The following GLIS3 variants were observed in gnomAD, a reference collection of about 807,000 sequenced individuals.
GLIS3 encodes the protein zinc finger protein GLIS3.
In GLIS3, 53 loss-of-function variants were observed where a neutral mutation model predicts 78.6. The observed-to-expected ratio is 0.67, with a 90% CI of 0.54 to 0.85. The LOEUF (loss-of-function observed/expected upper bound fraction) is 0.85, where lower values mean the gene tolerates loss of function less well. Among genes scored for constraint, GLIS3 ranks in the 40% least tolerant of loss-of-function variants. The pLI is 0.00. For missense variants in GLIS3, 1,703 were observed against 1,231.1 expected (o/e 1.38, Z -5.74); for synonymous variants, 684 against 509.9 (o/e 1.34, Z -4.60).
chr9:4,236,250 G>A (rs1822743363), intron 2 of GLIS3, among the ~76,000 whole-genome samples: 2 of 150,732 alleles, frequency 1.3e-5, no homozygotes, highest in South Asian at 4.2e-4. Flanking sequence ...CTAGAGAAGA[G>A]GGGAAACCTT....
chr9:4,206,533 T>A (rs962544477), intron 2 of GLIS3, among the ~76,000 whole-genome samples: 1 of 152,210 alleles, frequency 6.6e-6, no homozygotes, highest in Non-Finnish European at 1.5e-5. Flanking sequence ...CTATGTGCAG[T>A]GGACATTTAA....
chr9:3,956,042 A>G (rs1329944791), intron 4 of GLIS3, among the ~76,000 whole-genome samples: 1 of 151,626 alleles, frequency 6.6e-6, no homozygotes. Flanking sequence ...AAAAAAAAAA[A>G]AAAAAAGAAA....
chr9:4,268,978 G>A (rs959768964), intron 2 of GLIS3, among the ~76,000 whole-genome samples: 1 of 152,108 alleles, frequency 6.6e-6, no homozygotes. Context: ...GTTTAACAAA[G>A]CTCTGGTATT....
At chr9:4,251,594 T>G (rs1296405271) in intron 2 of GLIS3, among the ~76,000 whole-genome samples, 1 of 152,220 alleles carries the variant, frequency 6.6e-6, no homozygotes, top group African/African-American at 2.4e-5. Context: ...TTGGGGCATT[T>G]AGCCCACTTA....
intron 4 of GLIS3, among the ~76,000 whole-genome samples, chr9:4,307,574 T>G (rs1035548835): frequency 6.6e-6 from 1 of 152,122 alleles, no homozygotes; most frequent in African/African-American, 2.4e-5. Flanking sequence ...TCCTAACTCC[T>G]GGAACCTATG....
the GLIS3 span, among the ~76,000 whole-genome samples, chr9:4,406,243 G>GA: frequency 2.6e-5 from 4 of 151,688 alleles, no homozygotes; most frequent in African/African-American, 7.3e-5. Context: ...ATAAGAGAAA[G>GA]AAAAAAAAGG....
chr9:3,982,876 G>A (rs997100762), intron 4 of GLIS3, among the ~76,000 whole-genome samples: 1 of 152,136 alleles, frequency 6.6e-6, no homozygotes, highest in African/African-American at 2.4e-5. Flanking sequence ...GTCACCATAG[G>A]GTCACTGGCT....
At chr9:4,353,993 A>ATTTTTTTTTTT in the GLIS3 span, among the ~76,000 whole-genome samples, 16 of 135,748 alleles carry the variant, frequency 1.2e-4, no homozygotes, top group East Asian at 2.1e-4. Context: ...ACACCCGGCT[A>ATTTTTTTTTTT]TTTTTTTTTT....
chr9:4,103,815 A>G (rs10974337), intron 4 of GLIS3, among the ~76,000 whole-genome samples: 35,085 of 152,076 alleles, frequency 0.23, 4,225 homozygotes, highest in Admixed American at 0.29. Flanking sequence ...CTGGAAGCAT[A>G]AACACAAGTA....
At chr9:4,406,168 C>T in the GLIS3 span, among the ~76,000 whole-genome samples, 4 of 152,114 alleles carry the variant, frequency 2.6e-5, no homozygotes, top group South Asian at 6.2e-4. Flanking sequence ...TGGAAGACAA[C>T]AAAGATGCCC....
rs140486929 is a variant in GLIS3 at position 4,157,547 on chromosome 9, A to G, written c.389-31606T>C. On this transcript the variant is annotated intron_variant, in intron 2 of 10. Coordinates refer to ENST00000381971, the MANE Select transcript of GLIS3 (RefSeq NM_001042413.2). ...ACGATCTATCATTCAATGAAAGAGC[A>G]TACATAGAGGCTTAAATCAAGTATG... 2.1e-3 allele frequency among the ~76,000 whole-genome samples: 313 copies of G among 152,326 alleles called. 5 individuals carry two copies. The highest frequency in any genetic ancestry group is 7.1e-3 in the African/African-American group (297 of 41,580).
At chr9:4,374,306 T>TG in the GLIS3 span, among the ~76,000 whole-genome samples, 33 of 152,348 alleles carry the variant, frequency 2.2e-4, no homozygotes, top group Non-Finnish European at 3.5e-4. Flanking sequence ...TCTTACTCCC[T>TG]GCTTTATCTA....
At chr9:4,222,972 G>T (rs569499592) in intron 2 of GLIS3, among the ~76,000 whole-genome samples, 6 of 152,212 alleles carry the variant, frequency 3.9e-5, no homozygotes, top group African/African-American at 1.4e-4. Flanking sequence ...TCCTTTAACT[G>T]TTGTTCCTTA....
intron 2 of GLIS3, among the ~76,000 whole-genome samples, chr9:4,243,277 C>T (rs1276106748): frequency 6.6e-6 from 1 of 152,082 alleles, no homozygotes; most frequent in Non-Finnish European, 1.5e-5. Flanking sequence ...AGGAAGTGGC[C>T]AGAAAGGATC....
At chr9:4,329,671 A>G (rs1212744659) in intron 2 of GLIS3, among the ~76,000 whole-genome samples, 1 of 152,118 alleles carries the variant, frequency 6.6e-6, no homozygotes, top group African/African-American at 2.4e-5. Flanking sequence ...GAAATTTAAA[A>G]TTCATCTAGT....
intron 7 of GLIS3, among the ~76,000 whole-genome samples, chr9:3,892,492 T>G (rs1480480246): frequency 1.3e-5 from 2 of 152,186 alleles, no homozygotes; most frequent in African/African-American, 4.8e-5. Context: ...CACAATACCC[T>G]CTATTCAGTG....
chr9:4,368,732 C>T, the GLIS3 span, among the ~76,000 whole-genome samples: 8 of 152,302 alleles, frequency 5.3e-5, no homozygotes, highest in African/African-American at 1.9e-4. Context: ...TGCCTCTGAA[C>T]CTTGGCTCCT....
At chr9:3,851,585 T>C (rs1374723878) in intron 9 of GLIS3, among the ~76,000 whole-genome samples, 1 of 152,188 alleles carries the variant, frequency 6.6e-6, no homozygotes, top group Non-Finnish European at 1.5e-5. Flanking sequence ...AGTGTGCCTT[T>C]TACAAAATGC....
chr9:4,349,541 G>A (rs548216859), upstream of GLIS3, among the ~76,000 whole-genome samples: 15 of 152,234 alleles, frequency 9.9e-5, no homozygotes, highest in Admixed American at 7.8e-4. Flanking sequence ...CTGTATGCTA[G>A]ATGACCAAAA....
Sources: allele counts gnomAD v4.1 joint callset (sites outside exome capture counted in the v4.1 genomes callset), GRCh38; gene constraint gnomAD v4.1.1; transcripts MANE v1.5; gene names NCBI Gene and HGNC (gene_info 2026-07-23, HGNC 2026-07-21).